CA10: variants seen among roughly 807,000 people sequenced by gnomAD.
CA10 encodes carbonic anhydrase 10 (inactive).
CA10 carries 14 observed loss-of-function variants against 44.2 expected under a neutral mutation model. The ratio of observed to expected loss-of-function variants is 0.32; its 90% CI spans 0.21 to 0.50. The LOEUF (loss-of-function observed/expected upper bound fraction) is 0.50. Among genes scored for constraint, CA10 ranks in the 20% least tolerant of loss-of-function variants. The pLI is 0.99. For synonymous variants in CA10, 159 were observed against 141.6 expected, an observed-to-expected ratio of 1.12 and a Z score of -0.87; for missense variants, 350 against 409.7, an observed-to-expected ratio of 0.85 and a Z score of 1.26.
intron 3 of CA10, among the ~76,000 whole-genome samples, chr17:51,849,265 A>AT (rs1978681427): frequency 6.4e-4 from 87 of 135,064 alleles, no homozygotes; most frequent in Non-Finnish European, 1.0e-3. Flanking sequence ...ATATATATAT[A>AT]AAACTAAGTT....
intron 3 of CA10, chr17:51,761,489 GATAAA>G (rs1905216145): frequency 6.6e-6 from 1 of 152,112 alleles, no homozygotes; most frequent in Admixed American, 6.6e-5. Flanking sequence ...AAACTGAAAA[GATAAA>G]TGACATAAAA....
At chr17:51,697,917 TG>T (rs1216583100) in intron 4 of CA10, among the ~76,000 whole-genome samples, 1 of 152,234 alleles carries the variant, frequency 6.6e-6, no homozygotes, top group Non-Finnish European at 1.5e-5. Context: ...CCTGCACATC[TG>T]CAGGTGTCAC....
intron 4 of CA10, among the ~76,000 whole-genome samples, chr17:51,743,496 TTC>T (rs546537433): frequency 2.0e-5 from 3 of 152,188 alleles, no homozygotes; most frequent in South Asian, 4.1e-4. Flanking sequence ...AATCCAGGAG[TTC>T]TCTGTGTAGG....
At chr17:51,868,418 C>T (rs58838937) in intron 3 of CA10, among the ~76,000 whole-genome samples, 4,452 of 152,176 alleles carry the variant, frequency 0.029, 208 homozygotes, top group African/African-American at 0.1. Flanking sequence ...CGTGCCGTCT[C>T]CTGCCTCACC....
intron 3 of CA10, among the ~76,000 whole-genome samples, chr17:51,917,286 A>G (rs1363401914): frequency 2.8e-5 from 3 of 106,774 alleles, no homozygotes; most frequent in African/African-American, 5.3e-5. Context: ...CAGCTCCTTA[A>G]GGATACCACT....
At chr17:51,756,785 GGTA>G (rs1905093768) in intron 3 of CA10, among the ~76,000 whole-genome samples, 1 of 152,038 alleles carries the variant, frequency 6.6e-6, no homozygotes, top group African/African-American at 2.4e-5. Context: ...CATGAGATGA[GGTA>G]GTTTTTAAAA....
rs145428886 is a variant in CA10, at chr17:51,649,171, A to G, written c.634+11T>C. On this transcript the variant is annotated intron_variant, in intron 6 of 8. Coordinates refer to ENST00000451037, the MANE Select transcript of CA10 (RefSeq NM_020178.5). The stretch of plus-strand genomic sequence containing the variant: ...GAATAGTTGCTGTGGAGGAAATTGA[A>G]CCAAACTTACTTTTATATGTTATTC... 252 of 1,604,498 alleles carry G rather than the reference A, an allele frequency of 1.6e-4. 1 individual carries two copies. In the African/African-American group the frequency reaches 2.5e-3, roughly 16 times the overall value.
intron 2 of CA10, among the ~76,000 whole-genome samples, chr17:51,968,704 T>C (rs1302688372): frequency 6.6e-6 from 1 of 151,902 alleles, no homozygotes; most frequent in Non-Finnish European, 1.5e-5. Flanking sequence ...GTGAATTTTA[T>C]TGTACATAAA....
At chr17:51,691,738 T>C (rs114228712) in intron 4 of CA10, among the ~76,000 whole-genome samples, 1,864 of 152,324 alleles carry the variant, frequency 0.012, 43 homozygotes, top group African/African-American at 0.043. Context: ...TAGTTGGCTA[T>C]TGTGGTGCAT....
At chr17:51,631,836 TTTAAA>T (rs1912595118) in intron 8 of CA10, among the ~76,000 whole-genome samples, 1 of 152,174 alleles carries the variant, frequency 6.6e-6, no homozygotes. Flanking sequence ...CTACTATGAA[TTTAAA>T]TTAATTAAAA....
chr17:51,706,203 C>T (rs1915758846), intron 4 of CA10, among the ~76,000 whole-genome samples: 1 of 152,126 alleles, frequency 6.6e-6, no homozygotes, highest in Non-Finnish European at 1.5e-5. Context: ...AACACAAGGC[C>T]TGGCCTACAC....
At chr17:51,825,324 T>C (rs1032029026) in intron 3 of CA10, among the ~76,000 whole-genome samples, 1 of 152,148 alleles carries the variant, frequency 6.6e-6, no homozygotes, top group African/African-American at 2.4e-5. Context: ...TTAACTCTGC[T>C]GGGACCATCT....
rs5820881 is a variant in CA10 at position 51,837,079 on chromosome 17, AACAC to A, written c.280-89265_280-89262del. Among the ~76,000 whole-genome samples the A allele has an allele frequency of 2.6e-3, 395 of 149,916 alleles. 2 individuals carry two copies. Among genetic ancestry groups the A allele is most frequent in the African/African-American group, 7.0e-3 (287 of 40,814 alleles). On this transcript the variant is annotated intron_variant, in intron 3 of 8. Transcript: ENST00000451037. ...TGTATACATTGATTTGAGTTCAGAC[AACAC>A]ACACACACACACACACACACAAACA...
chr17:51,781,002 C>T (rs989599152), intron 3 of CA10, among the ~76,000 whole-genome samples: 1 of 152,162 alleles, frequency 6.6e-6, no homozygotes, highest in African/African-American at 2.4e-5. Context: ...GGCCAGTGGG[C>T]TGCAGTTTGT....
At chr17:51,643,212 G>A (rs1225882208) in intron 6 of CA10, among the ~76,000 whole-genome samples, 1 of 151,736 alleles carries the variant, frequency 6.6e-6, no homozygotes, top group African/African-American at 2.4e-5. Context: ...ATGAAATTGG[G>A]TAGATAATAA....
chr17:51,879,005 T>C (rs1022914695), intron 3 of CA10, among the ~76,000 whole-genome samples: 4 of 150,066 alleles, frequency 2.7e-5, no homozygotes, highest in Admixed American at 6.6e-5. Flanking sequence ...TAACCACTTT[T>C]GGCATTTTAG....
At chr17:51,852,378 T>A (rs1183659228) in intron 3 of CA10, among the ~76,000 whole-genome samples, 2 of 152,152 alleles carry the variant, frequency 1.3e-5, no homozygotes, top group African/African-American at 4.8e-5. Context: ...AAGCCCCCAT[T>A]AATTTTCTGA....
chr17:52,082,420 G>T (rs1218617310), intron 1 of CA10, among the ~76,000 whole-genome samples: 3 of 152,074 alleles, frequency 2.0e-5, no homozygotes, highest in Admixed American at 6.5e-5. Flanking sequence ...ATTACGTCTT[G>T]TTTTTTCATT....
chr17:52,062,901 T>C (rs1439361094), intron 2 of CA10, among the ~76,000 whole-genome samples: 1 of 152,218 alleles, frequency 6.6e-6, no homozygotes, highest in East Asian at 1.9e-4. Context: ...ACCAGAATTA[T>C]ATAGCCACTG....
Sources: gnomAD v4.1 joint callset for allele counts (sites outside exome capture counted in the v4.1 genomes callset) on GRCh38, gnomAD v4.1.1 for gene constraint, MANE v1.5 for transcripts, NCBI Gene and HGNC (gene_info 2026-07-23, HGNC 2026-07-21) for gene names.